MYH10: variants seen among roughly 807,000 people sequenced by gnomAD.
MYH10 encodes myosin heavy chain 10.
A neutral mutation model predicts 257.8 loss-of-function variants in MYH10; 55 were observed. The observed-to-expected ratio is 0.21, with a 90% CI of 0.17 to 0.27. MYH10 has a LOEUF of 0.27. Among genes scored for constraint, MYH10 ranks in the 10% least tolerant of loss-of-function variants. The pLI is 1.00. For synonymous variants in MYH10, 854 were observed against 921.7 expected, an observed-to-expected ratio of 0.93 and a Z score of 1.33; for missense variants, 1,631 against 2,500.6, an observed-to-expected ratio of 0.65 and a Z score of 7.42.
intron 17 of MYH10, among the ~76,000 whole-genome samples, chr17:8,521,768 A>G (rs1210332392): frequency 2.0e-5 from 3 of 152,224 alleles, no homozygotes; most frequent in Non-Finnish European, 4.4e-5. Context: ...ATTAGTCATT[A>G]GATATTCAGT....
Position 8,509,847 on chromosome 17 carries a change from G to C in MYH10, c.3055C>G (p.Leu1019Val). The part of the protein sequence containing the change: ...AKIKKMEEEI[L>V]LLEDQNSKFI... ...TTGGAATTTTGGTCCTCGAGAAGCA[G>C]AATCTCCTCTTCCATCTTCTTGATC... The change falls in exon 25 of 43, where the codon CTG (leucine) becomes GTG (valine). Residue 1019 changes from leucine to valine, a missense_variant. Around this residue, in one of 11 missense-constraint regions of MYH10, gnomAD observed 169 missense variants for 249.8 expected, o/e 0.68. Coordinates refer to ENST00000360416, the MANE Select transcript of MYH10 (RefSeq NM_001256012.3). 1.2e-6 allele frequency: 2 copies of C among 1,610,416 alleles called. No homozygotes were observed. The highest frequency in any genetic ancestry group is 4.5e-5 in the East Asian group (2 of 44,586).
chr17:8,512,736 C>T, intron 23 of MYH10, 79 bp from the exon 24 acceptor site: 1 of 1,101,200 alleles, frequency 9.1e-7, no homozygotes, highest in Non-Finnish European at 1.3e-6. Flanking sequence ...TTTCAATGGT[C>T]AATGCACATC....
At chr17:8,547,213 T>C (rs925927601) in intron 11 of MYH10, among the ~76,000 whole-genome samples, 4 of 152,174 alleles carry the variant, frequency 2.6e-5, no homozygotes, top group African/African-American at 9.7e-5. Context: ...CCCAGCCTCC[T>C]TACCTTTACA....
chr17:8,476,137 A>G (rs1409225172), intron 42 of MYH10, among the ~76,000 whole-genome samples, 189 bp from the exon 43 acceptor site: 1 of 152,226 alleles, frequency 6.6e-6, no homozygotes, highest in Non-Finnish European at 1.5e-5. Flanking sequence ...CCCTGCCTGC[A>G]GAGTACGCGA....
intron 11 of MYH10, 82 bp from the exon 12 acceptor site, chr17:8,546,744 C>A: frequency 2.0e-6 from 2 of 986,088 alleles, no homozygotes; most frequent in Non-Finnish European, 3.0e-6. Flanking sequence ...CTGGAAAAAC[C>A]TTAGTAACAA....
intron 13 of MYH10, among the ~76,000 whole-genome samples, chr17:8,542,807 T>C (rs183213982): frequency 2.2e-4 from 33 of 152,338 alleles, no homozygotes; most frequent in African/African-American, 7.7e-4. Context: ...TCATCTTTAC[T>C]GCATGGAATT....
intron 6 of MYH10, chr17:8,573,773 C>A (rs1244151009): frequency 2.4e-6 from 2 of 820,878 alleles, no homozygotes; most frequent in African/African-American, 1.9e-5. Context: ...AGTATTGTCA[C>A]TTTAATTTTG....
At chr17:8,531,510 G>A (rs1406418034) in intron 16 of MYH10, among the ~76,000 whole-genome samples, 1 of 151,468 alleles carries the variant, frequency 6.6e-6, no homozygotes, top group Non-Finnish European at 1.5e-5. Flanking sequence ...GTTTGGCCTT[G>A]AGAAAACTCT....
chr17:8,543,540 TC>T lies in MYH10; in HGVS notation c.1432-1261del, dbSNP rs2082358292. On this transcript the variant is annotated intron_variant, in intron 13 of 42. Transcript: ENST00000360416. ...CCCAGGCTGGAGTACAGTGGCACAA[TC>T]TTGGCTCACTGCAACCTCCGCCTCC... 2.0e-5 allele frequency among the ~76,000 whole-genome samples: 3 copies of T among 147,912 alleles called. No homozygotes were observed. In the Admixed American group the frequency reaches 2.1e-4, roughly 10 times the overall value.
intron 21 of MYH10, among the ~76,000 whole-genome samples, chr17:8,515,000 G>A (rs1301512973): frequency 1.3e-5 from 2 of 152,098 alleles, no homozygotes; most frequent in African/African-American, 2.4e-5. Context: ...GCTCCACTCC[G>A]ACAGTCCACT....
In MYH10 at chr17:8,577,352, T is replaced by G. The variant is rs2042187827; in HGVS notation, c.531-14A>C. 1 of 1,587,898 alleles carries G rather than the reference T, an allele frequency of 6.3e-7. No individual in the cohort carries two copies. The highest frequency in any genetic ancestry group is 1.3e-5 in the African/African-American group (1 of 74,458). ...CCTGACTCACCCCTGAAAGAAAGAG[T>G]TAATATAGGCTGCTTTAACGAAAGC... On this transcript the variant is annotated splice_polypyrimidine_tract_variant and intron_variant, in intron 4 of 42. Coordinates refer to ENST00000360416, the MANE Select transcript of MYH10 (RefSeq NM_001256012.3).
chr17:8,550,318 TG>T (rs1310387397), intron 9 of MYH10, among the ~76,000 whole-genome samples: 2 of 150,132 alleles, frequency 1.3e-5, no homozygotes, highest in African/African-American at 4.9e-5. Context: ...TTCTGAGATG[TG>T]GGGAGCGCCT....
At chr17:8,483,197 G>T (rs1482537405) in intron 37 of MYH10, among the ~76,000 whole-genome samples, 1 of 152,166 alleles carries the variant, frequency 6.6e-6, no homozygotes, top group African/African-American at 2.4e-5. Flanking sequence ...ATCAAAATTT[G>T]TGGAACATGA....
chr17:8,540,391 G>A (rs1191719611), intron 14 of MYH10, among the ~76,000 whole-genome samples: 2 of 151,916 alleles, frequency 1.3e-5, no homozygotes, highest in African/African-American at 2.4e-5. Context: ...CAATTATTGT[G>A]TGAGAGTAAA....
intron 24 of MYH10, among the ~76,000 whole-genome samples, chr17:8,510,556 A>G (rs962790766): frequency 1.3e-5 from 2 of 152,242 alleles, no homozygotes; most frequent in African/African-American, 4.8e-5. Context: ...AACTATGAAC[A>G]TGCTACAAAA....
chr17:8,548,838 C>G (rs777946386), intron 9 of MYH10, 51 bp from the exon 10 acceptor site: 8 of 1,506,396 alleles, frequency 5.3e-6, no homozygotes, highest in African/African-American at 4.1e-5. Context: ...ATGAAGACAA[C>G]TAAGCCATAA....
At chr17:8,577,120 G>A in intron 5 of MYH10, 116 bp downstream of exon 5, 3 of 685,944 alleles carry the variant, frequency 4.4e-6, no homozygotes, top group East Asian at 2.7e-5. Flanking sequence ...GGGAGCAGGT[G>A]GAGACAAGGG....
At chr17:8,561,935 C>G (rs531239704) in intron 7 of MYH10, among the ~76,000 whole-genome samples, 2 of 152,116 alleles carry the variant, frequency 1.3e-5, no homozygotes, top group African/African-American at 4.8e-5. Flanking sequence ...GGAGACAGGG[C>G]TGCAGGGGCC....
chr17:8,548,460 G>A (rs761859606), intron 10 of MYH10, 52 bp from the exon 11 acceptor site: 219 of 1,438,756 alleles, frequency 1.5e-4, no homozygotes, highest in South Asian at 1.3e-3. Context: ...AAAATGTAGC[G>A]GAGACATATT....
Sources: allele counts gnomAD v4.1 joint callset (sites outside exome capture counted in the v4.1 genomes callset), GRCh38; gene constraint gnomAD v4.1.1; regional missense constraint gnomAD v4.1.1; transcripts MANE v1.5; gene names NCBI Gene and HGNC (gene_info 2026-07-23, HGNC 2026-07-21).